MCTP1: variants seen among roughly 807,000 people sequenced by gnomAD.
MCTP1 encodes multiple C2 and transmembrane domain-containing protein 1.
Under a neutral mutation model 120.6 loss-of-function variants are expected in MCTP1, and 69 were observed. The ratio of observed to expected loss-of-function variants is 0.57; its 90% CI spans 0.47 to 0.70. The LOEUF (loss-of-function observed/expected upper bound fraction) is 0.70, where lower values mean the gene tolerates loss of function less well. MCTP1 is among the 30% of genes least tolerant of loss of function. MCTP1 has a pLI of 0.00. For missense variants in MCTP1, 1,203 were observed against 1,248.8 expected, an observed-to-expected ratio of 0.96 and a Z score of 0.55; for synonymous variants, 529 against 493.1, an observed-to-expected ratio of 1.07 and a Z score of -0.96.
chr5:94,978,928 C>A (rs66689017), intron 2 of MCTP1: 43,654 of 151,648 alleles, frequency 0.29, 6,294 homozygotes, highest in South Asian at 0.36. Flanking sequence ...CAGAAGCCTA[C>A]TGCCTACTGA....
At chr5:94,823,887 T>C (rs572922519) in intron 17 of MCTP1, among the ~76,000 whole-genome samples, 19 of 152,360 alleles carry the variant, frequency 1.2e-4, no homozygotes, top group African/African-American at 4.6e-4. Flanking sequence ...TTTTTGCACA[T>C]TGATTTTTTA....
At chr5:94,750,851 A>C (rs1012797941) in intron 19 of MCTP1, among the ~76,000 whole-genome samples, 1 of 152,230 alleles carries the variant, frequency 6.6e-6, no homozygotes, top group Non-Finnish European at 1.5e-5. Flanking sequence ...AAAGGGGATT[A>C]AGCATCTGGT....
intron 2 of MCTP1, among the ~76,000 whole-genome samples, chr5:94,988,595 G>GT (rs1223531017): frequency 3.9e-4 from 49 of 124,334 alleles, no homozygotes; most frequent in African/African-American, 1.5e-3. Context: ...TTCCCTGTGT[G>GT]TGTTTTTTTT....
At chr5:94,787,373 TC>T (rs1777945423) in intron 18 of MCTP1, among the ~76,000 whole-genome samples, 1 of 152,304 alleles carries the variant, frequency 6.6e-6, no homozygotes. Flanking sequence ...TTGTGGGACT[TC>T]CGTATACATT....
chr5:95,115,520 C>T (rs1232189332), intron 1 of MCTP1, among the ~76,000 whole-genome samples: 1 of 151,618 alleles, frequency 6.6e-6, no homozygotes, highest in East Asian at 1.9e-4. Context: ...CTTTTAATAG[C>T]AGAATTGATC....
In MCTP1 at chr5:94,705,953, A is replaced by G. The variant is rs1350386740; in HGVS notation, c.*1543T>C. 1.3e-5 allele frequency: 2 copies of G among 151,728 alleles called. No homozygotes were observed. The highest frequency in any genetic ancestry group is 4.8e-5 in the African/African-American group (2 of 41,406). 9.4% of individuals were successfully genotyped at this position (151,728 alleles called of 1,614,324 possible). On this transcript the variant is annotated 3_prime_UTR_variant, in exon 23 of 23. Transcript: ENST00000515393. ...GGGAATTTAATTGACATTCAAGCAT[A>G]GTATATAAACAGATCAAAATAGTTC...
At chr5:95,072,900 C>T (rs900140216) in intron 1 of MCTP1, among the ~76,000 whole-genome samples, 5 of 152,040 alleles carry the variant, frequency 3.3e-5, no homozygotes, top group Admixed American at 1.3e-4. Context: ...TGCCGGCCAC[C>T]ATACCTGGCT....
intron 1 of MCTP1, among the ~76,000 whole-genome samples, chr5:95,117,471 T>C (rs557256718): frequency 6.6e-6 from 1 of 151,554 alleles, no homozygotes; most frequent in African/African-American, 2.4e-5. Context: ...TGAGATACCA[T>C]TTCATGCCAG....
chr5:95,074,513 A>G, intron 1 of MCTP1, among the ~76,000 whole-genome samples: 1 of 150,420 alleles, frequency 6.6e-6, no homozygotes, highest in South Asian at 2.1e-4. Flanking sequence ...TTTTGCTAAT[A>G]CAATAATTTG....
chr5:94,978,814 G>A (rs960188988), intron 2 of MCTP1, among the ~76,000 whole-genome samples: 1 of 152,026 alleles, frequency 6.6e-6, no homozygotes, highest in African/African-American at 2.4e-5. Flanking sequence ...TGTACTATAT[G>A]CCTAAAAATG....
At chr5:94,815,189 T>C (rs1415610237) in intron 17 of MCTP1, among the ~76,000 whole-genome samples, 1 of 152,198 alleles carries the variant, frequency 6.6e-6, no homozygotes, top group Non-Finnish European at 1.5e-5. Context: ...GAAATACACC[T>C]GAAAACCACT....
chr5:94,710,511 T>C, intron 21 of MCTP1: 1 of 268,058 alleles, frequency 3.7e-6, no homozygotes, highest in South Asian at 6.1e-5. Flanking sequence ...CCTCTGTTTG[T>C]ATATAAATGG....
At chr5:94,829,010 A>G (rs1787887480) in intron 17 of MCTP1, among the ~76,000 whole-genome samples, 1 of 85,178 alleles carries the variant, frequency 1.2e-5, no homozygotes, top group Non-Finnish European at 3.4e-5. Context: ...ACAAACAACA[A>G]CAACAAAAAA....
intron 1 of MCTP1, among the ~76,000 whole-genome samples, chr5:95,266,849 C>A (rs547018577): frequency 2.3e-3 from 353 of 152,292 alleles, no homozygotes; most frequent in African/African-American, 8.3e-3. Flanking sequence ...ATACCCTGAG[C>A]GTTCTCAGAA....
intron 19 of MCTP1, among the ~76,000 whole-genome samples, chr5:94,778,367 A>C (rs1775878245): frequency 6.6e-6 from 1 of 152,140 alleles, no homozygotes; most frequent in South Asian, 2.1e-4. Flanking sequence ...ATGATGTAAC[A>C]GCATCACTAT....
intron 1 of MCTP1, among the ~76,000 whole-genome samples, chr5:95,224,990 G>A (rs1164518244): frequency 6.6e-6 from 1 of 152,114 alleles, no homozygotes; most frequent in African/African-American, 2.4e-5. Context: ...GGGTAATAAA[G>A]AACATATTAA....
At position 94,769,646 on chromosome 5, in the gene MCTP1, T is replaced by A. The variant is rs151217030; in HGVS notation, c.2610+9464A>T. 6.3e-3 allele frequency among the ~76,000 whole-genome samples: 965 copies of A among 152,272 alleles called. 9 individuals carry two copies. The highest frequency in any genetic ancestry group is 0.021 in the African/African-American group (880 of 41,556). ...CACAGAACCAATAAAATTGAAGGAATACCTCAGACTGCCTACTCTAAAAAT... is the reference window on the plus strand; with the variant it reads ...CACAGAACCAATAAAATTGAAGGAAAACCTCAGACTGCCTACTCTAAAAAT... On this transcript the variant is annotated intron_variant, in intron 19 of 22. Coordinates refer to ENST00000515393, the MANE Select transcript of MCTP1 (RefSeq NM_024717.7).
chr5:95,272,316 G>A (rs1253958309), intron 1 of MCTP1, among the ~76,000 whole-genome samples: 1 of 152,088 alleles, frequency 6.6e-6, no homozygotes, highest in East Asian at 1.9e-4. Flanking sequence ...TATTTTCCCT[G>A]CTCACTTTCC....
chr5:94,892,080 T>C (rs1036578840), intron 11 of MCTP1, among the ~76,000 whole-genome samples: 3 of 152,106 alleles, frequency 2.0e-5, no homozygotes, highest in African/African-American at 7.2e-5. Flanking sequence ...TCAGCTCTAT[T>C]ACGGGAGAGG....
Sources: gnomAD v4.1 joint callset for allele counts (sites outside exome capture counted in the v4.1 genomes callset) on GRCh38, gnomAD v4.1.1 for gene constraint, MANE v1.5 for transcripts, NCBI Gene and HGNC (gene_info 2026-07-23, HGNC 2026-07-21) for gene names.